Variants in RIT2 observed in about 807,000 individuals in gnomAD.
RIT2 encodes the protein GTP-binding protein Rit2.
A neutral mutation model predicts 23.7 loss-of-function variants in RIT2; 24 were observed. The observed-to-expected ratio is 1.01, with a 90% CI of 0.73 to 1.43. The LOEUF (loss-of-function observed/expected upper bound fraction) is 1.43. Among genes scored for constraint, RIT2 ranks in the 40% most tolerant of loss-of-function variants. The pLI is 0.00. For missense variants in RIT2, 236 were observed against 266.9 expected (o/e 0.88, Z 0.81); for synonymous variants, 107 against 91.1 (o/e 1.17, Z -0.99).
At chr18:42,920,762 T>C in intron 4 of RIT2, 1 of 1,591,040 alleles carries the variant, frequency 6.3e-7, no homozygotes, top group Non-Finnish European at 8.5e-7. Flanking sequence ...CAGTGTAGGC[T>C]GATAAGGAAT....
intron 1 of RIT2, among the ~76,000 whole-genome samples, chr18:43,102,133 C>T (rs1456769021): frequency 6.6e-6 from 1 of 152,124 alleles, no homozygotes; most frequent in Non-Finnish European, 1.5e-5. Context: ...ATTTGAGATT[C>T]TATGGTCTTC....
At chr18:42,908,815 A>C (rs1908691629) in intron 4 of RIT2, among the ~76,000 whole-genome samples, 2 of 152,180 alleles carry the variant, frequency 1.3e-5, no homozygotes, top group Non-Finnish European at 2.9e-5. Context: ...AAGTTGGTGC[A>C]AAAATAATTG....
At chr18:42,868,538 A>T (rs534801049) in intron 4 of RIT2, among the ~76,000 whole-genome samples, 2 of 152,240 alleles carry the variant, frequency 1.3e-5, no homozygotes, top group Non-Finnish European at 2.9e-5. Context: ...TTTCATTACA[A>T]AAAATTAAAT....
At chr18:42,977,913 C>G (rs1408797289) in intron 2 of RIT2, among the ~76,000 whole-genome samples, 1 of 150,834 alleles carries the variant, frequency 6.6e-6, no homozygotes, top group Non-Finnish European at 1.5e-5. Flanking sequence ...TTCCACTGCT[C>G]TTTGTACATT....
At chr18:42,781,325 T>G (rs570771895) in intron 4 of RIT2, among the ~76,000 whole-genome samples, 1 of 152,340 alleles carries the variant, frequency 6.6e-6, no homozygotes, top group Non-Finnish European at 1.5e-5. Context: ...CTTAAATTTC[T>G]ACATACCTAA....
At chr18:42,990,322 G>A (rs1288884774) in intron 2 of RIT2, among the ~76,000 whole-genome samples, 4 of 152,038 alleles carry the variant, frequency 2.6e-5, no homozygotes, top group African/African-American at 4.8e-5. Flanking sequence ...TAGGGAGGGC[G>A]ATTTGCTTTG....
chr18:42,756,783 G>C (rs917487026), intron 4 of RIT2, among the ~76,000 whole-genome samples: 1 of 151,790 alleles, frequency 6.6e-6, no homozygotes, highest in Non-Finnish European at 1.5e-5. Context: ...ATTGGTTATT[G>C]TGAATAGCTA....
chr18:42,961,037 A>G (rs1325951455), intron 3 of RIT2, among the ~76,000 whole-genome samples: 3 of 152,224 alleles, frequency 2.0e-5, no homozygotes, highest in Admixed American at 2.0e-4. Context: ...TGGAAAATTA[A>G]GGATGTGGTG....
chr18:42,886,791 TG>T (rs1405328915), intron 4 of RIT2, among the ~76,000 whole-genome samples: 1 of 152,160 alleles, frequency 6.6e-6, no homozygotes, highest in Admixed American at 6.5e-5. Context: ...CAAGATTGGC[TG>T]TTTTTTAATT....
intron 1 of RIT2, among the ~76,000 whole-genome samples, chr18:43,107,945 C>T (rs925725442): frequency 6.7e-6 from 1 of 149,840 alleles, no homozygotes; most frequent in Non-Finnish European, 1.5e-5. Flanking sequence ...GGGTGGATGA[C>T]GAGGTCAGGA....
chr18:42,873,748 G>C (rs1316885302), intron 4 of RIT2, among the ~76,000 whole-genome samples: 1 of 152,036 alleles, frequency 6.6e-6, no homozygotes, highest in Non-Finnish European at 1.5e-5. Flanking sequence ...TCTTCAAAAA[G>C]AAAAGAATGC....
intron 3 of RIT2, among the ~76,000 whole-genome samples, chr18:42,934,525 T>C (rs1409944175): frequency 6.6e-6 from 1 of 152,178 alleles, no homozygotes; most frequent in African/African-American, 2.4e-5. Flanking sequence ...GTATTGTTTG[T>C]GAGATGCCTC....
At chr18:42,967,536 ATTTTTTTT>A (rs397940927) in intron 3 of RIT2, among the ~76,000 whole-genome samples, 2 of 80,762 alleles carry the variant, frequency 2.5e-5, no homozygotes, top group Non-Finnish European at 2.2e-5. Context: ...CGCCCGGCTA[ATTTTTTTT>A]TTTTTTTTTT....
intron 1 of RIT2, among the ~76,000 whole-genome samples, chr18:43,113,487 T>C (rs926862827): frequency 1.3e-5 from 2 of 152,196 alleles, no homozygotes; most frequent in Non-Finnish European, 1.5e-5. Flanking sequence ...AAAGCAAAGA[T>C]GAGAGCAAGC....
intron 2 of RIT2, among the ~76,000 whole-genome samples, chr18:43,003,478 T>C (rs924223511): frequency 6.6e-6 from 1 of 151,948 alleles, no homozygotes; most frequent in Non-Finnish European, 1.5e-5. Context: ...AAGCCTCTTA[T>C]ATGAAGAATT....
chr18:42,969,671 CA>C (rs780059662), intron 3 of RIT2, among the ~76,000 whole-genome samples: 4,745 of 105,434 alleles, frequency 0.045, 162 homozygotes, highest in African/African-American at 0.13. Context: ...GTTAGCATTT[CA>C]AAAAAAAAAA....
chr18:42,982,135 T>C (rs1317104916), intron 2 of RIT2, among the ~76,000 whole-genome samples: 1 of 152,148 alleles, frequency 6.6e-6, no homozygotes, highest in African/African-American at 2.4e-5. Context: ...CTTTTTACAT[T>C]GAGTACCAAG....
At chr18:43,070,020 A>G (rs1473106275) in intron 1 of RIT2, among the ~76,000 whole-genome samples, 1 of 152,210 alleles carries the variant, frequency 6.6e-6, no homozygotes, top group Non-Finnish European at 1.5e-5. Flanking sequence ...AAGTCCCCGT[A>G]GCCAGAAAAG....
chr18:42,750,023 G>C (rs966744864), intron 4 of RIT2, among the ~76,000 whole-genome samples: 1 of 151,730 alleles, frequency 6.6e-6, no homozygotes, highest in Non-Finnish European at 1.5e-5. Context: ...ATGTGATGCT[G>C]TTCAATGTAA....
Sources: gnomAD v4.1 joint callset for allele counts (sites outside exome capture counted in the v4.1 genomes callset) on GRCh38, gnomAD v4.1.1 for gene constraint, MANE v1.5 for transcripts, NCBI Gene and HGNC (gene_info 2026-07-23, HGNC 2026-07-21) for gene names.